Variants in STK35 observed in about 807,000 individuals in gnomAD.
STK35 encodes serine/threonine kinase 35, also known as serine/threonine-protein kinase 35.
In STK35, 17 loss-of-function variants were observed where a neutral mutation model predicts 37.3. The ratio of observed to expected loss-of-function variants is 0.46; its 90% CI spans 0.31 to 0.68. The LOEUF (loss-of-function observed/expected upper bound fraction) is 0.68. STK35 is among the 30% of genes least tolerant of loss of function. STK35 has a pLI of 0.05. For missense variants in STK35, 595 were observed against 746.7 expected (o/e 0.80, Z 2.37); for synonymous variants, 385 against 319.1 (o/e 1.21, Z -2.20).
rs1269472858 is a variant in STK35, at chr20:2,145,965, G to A, written c.*2219G>A. On this transcript the variant is annotated 3_prime_UTR_variant, in exon 4 of 4. Coordinates refer to ENST00000381482, the MANE Select transcript of STK35 (RefSeq NM_080836.4). ...TAGCTCTAACTAAAAAGTTCTTGGA[G>A]CCATCGTGCTCCCCCTTTGTTATTT... The A allele has an allele frequency of 6.6e-6, 1 of 152,020 alleles. No homozygotes were observed. Among genetic ancestry groups the A allele is most frequent in the East Asian group, 1.9e-4 (1 of 5,172 alleles). 9.4% of individuals were successfully genotyped at this position (152,020 alleles called of 1,614,324 possible). A position where few individuals can be genotyped will look rare whatever the true frequency, so the allele number is the denominator to read the frequency against.
At chr20:2,118,755 T>C (rs1985765378) in intron 3 of STK35, among the ~76,000 whole-genome samples, 1 of 152,240 alleles carries the variant, frequency 6.6e-6, no homozygotes, top group Non-Finnish European at 1.5e-5. Flanking sequence ...TTATAGTGCA[T>C]ATTATGGTGT....
intron 3 of STK35, among the ~76,000 whole-genome samples, chr20:2,134,357 G>T (rs2122580071): frequency 6.6e-6 from 1 of 151,926 alleles, no homozygotes; most frequent in Admixed American, 6.5e-5. Flanking sequence ...AAAGGGCTCT[G>T]GTGCATTGAG....
Position 2,144,392 on chromosome 20 carries a change from G to C in STK35, c.*646G>C, listed in dbSNP as rs997878836. On this transcript the variant is annotated 3_prime_UTR_variant, in exon 4 of 4. Coordinates refer to ENST00000381482, the MANE Select transcript of STK35 (RefSeq NM_080836.4). Reference sequence around the variant, plus strand: ...GGTGAAGAACCGCCTGGAAGAGGAAGGCCAGGGTTTGGCCAGGAGAACTAA... The same window carrying C: ...GGTGAAGAACCGCCTGGAAGAGGAACGCCAGGGTTTGGCCAGGAGAACTAA... The C allele has an allele frequency of 6.2e-6, 1 of 161,338 alleles. No homozygotes were observed. Among genetic ancestry groups the C allele is most frequent in the Non-Finnish European group, 1.4e-5 (1 of 73,524 alleles). The allele number at this position is 161,338 out of a possible 1,614,324, so 10.0% of individuals were successfully genotyped here.
intron 3 of STK35, among the ~76,000 whole-genome samples, chr20:2,138,571 T>C (rs1382654438): frequency 6.6e-6 from 1 of 152,226 alleles, no homozygotes; most frequent in African/African-American, 2.4e-5. Context: ...TGTTCTTCCC[T>C]GAGGGAGCAC....
chr20:2,114,567 C>T (rs2122550529), intron 2 of STK35, among the ~76,000 whole-genome samples: 1 of 152,290 alleles, frequency 6.6e-6, no homozygotes, highest in African/African-American at 2.4e-5. Context: ...ATTTTCCTCT[C>T]AACAAACAGC....
Position 2,102,950 on chromosome 20 carries a change from G to C in STK35, c.477G>C (p.Ala159=), listed in dbSNP as rs1411990235. The C allele has an allele frequency of 6.7e-7, 1 of 1,486,600 alleles. No individual in the cohort carries two copies. Among genetic ancestry groups the C allele is most frequent in the Non-Finnish European group, 8.9e-7 (1 of 1,123,662 alleles). The allele number at this position is 1,486,600 out of a possible 1,614,324, so 92.1% of individuals were successfully genotyped here. A position where few individuals can be genotyped will look rare whatever the true frequency, so the allele number is the denominator to read the frequency against. ...AAAGGCGAAGCCCAGTGCCGCGGGC[G>C]CCCAGCACGAAGCTGAGGCCGGCGG... The part of the protein sequence containing the change: ...ERKRRSPVPR[A]PSTKLRPAAA... The change falls in exon 2 of 4, where the codon GCG becomes GCC. Residue 159 remains alanine (A), a synonymous_variant. Coordinates refer to ENST00000381482, the MANE Select transcript of STK35 (RefSeq NM_080836.4).
chr20:2,126,309 G>A (rs1985905578), intron 3 of STK35, among the ~76,000 whole-genome samples: 1 of 152,134 alleles, frequency 6.6e-6, no homozygotes, highest in Non-Finnish European at 1.5e-5. Flanking sequence ...GATGAGATAT[G>A]GACACTTGGT....
Position 2,117,102 on chromosome 20 carries a change from C to T in STK35, c.1329C>T (p.Ile443=). 1.2e-6 allele frequency: 2 copies of T among 1,613,852 alleles called. No homozygotes were observed. Among genetic ancestry groups the T allele is most frequent in the Non-Finnish European group, 1.7e-6 (2 of 1,179,816 alleles). ...AKADIFALGI[I]IWAMIERITF... is the part of the protein sequence containing the mutation. ...CGGACATCTTTGCCCTGGGCATTATCATCTGGGCAATGATAGAAAGAATCA... is the reference window on the plus strand; with the variant it reads ...CGGACATCTTTGCCCTGGGCATTATTATCTGGGCAATGATAGAAAGAATCA... The change falls in exon 3 of 4, where the codon ATC becomes ATT. Residue 443 remains isoleucine (I), a synonymous_variant. Transcript: ENST00000381482. The surrounding 1 kb of genome is among the most constrained non-coding windows in gnomAD (Gnocchi z 4.4).
chr20:2,103,408 C>T, intron 2 of STK35, 43 bp downstream of exon 2: 5 of 1,560,710 alleles, frequency 3.2e-6, no homozygotes, highest in Non-Finnish European at 4.4e-6. Context: ...GGGCCTGGAC[C>T]CCCTGCTCTC....
chr20:2,118,687 A>G (rs1985764199), intron 3 of STK35, among the ~76,000 whole-genome samples: 1 of 152,250 alleles, frequency 6.6e-6, no homozygotes, highest in South Asian at 2.1e-4. Flanking sequence ...CGGTGGTCCC[A>G]TTAGATTATA....
chr20:2,137,621 C>A (rs900345238), intron 3 of STK35, among the ~76,000 whole-genome samples: 2 of 152,194 alleles, frequency 1.3e-5, no homozygotes, highest in African/African-American at 2.4e-5. Context: ...TGTCAGTACT[C>A]CCATTCCTTC....
chr20:2,118,358 A>T (rs1237731797), intron 3 of STK35, among the ~76,000 whole-genome samples: 2 of 152,180 alleles, frequency 1.3e-5, no homozygotes, highest in South Asian at 2.1e-4. Flanking sequence ...AGGTGGGCGG[A>T]TCACGAGGTC....
intron 3 of STK35, among the ~76,000 whole-genome samples, chr20:2,127,947 AGT>A (rs1469339624): frequency 6.6e-6 from 1 of 152,158 alleles, no homozygotes; most frequent in African/African-American, 2.4e-5. Flanking sequence ...ATGAGTAAGA[AGT>A]GTTGGTGAAG....
intron 3 of STK35, among the ~76,000 whole-genome samples, chr20:2,125,318 C>G (rs1985886299): frequency 6.6e-6 from 1 of 152,134 alleles, no homozygotes; most frequent in Non-Finnish European, 1.5e-5. Flanking sequence ...GAGACCCTGC[C>G]TTTTTATTCC....
At chr20:2,120,706 C>G (rs1210018076) in intron 3 of STK35, among the ~76,000 whole-genome samples, 3 of 152,220 alleles carry the variant, frequency 2.0e-5, no homozygotes, top group East Asian at 3.9e-4. Flanking sequence ...GAAACTCTTT[C>G]CAAGTACCAT....
intron 3 of STK35, among the ~76,000 whole-genome samples, chr20:2,136,865 G>C (rs1347222583): frequency 6.6e-6 from 1 of 152,214 alleles, no homozygotes; most frequent in Non-Finnish European, 1.5e-5. Flanking sequence ...CACTGGGCAG[G>C]GGGACAGAAG....
At chr20:2,120,734 C>T (rs1985802716) in intron 3 of STK35, among the ~76,000 whole-genome samples, 1 of 152,224 alleles carries the variant, frequency 6.6e-6, no homozygotes, top group South Asian at 2.1e-4. Flanking sequence ...ACAGATAATA[C>T]ATCGGTGAAC....
chr20:2,120,250 T>G (rs1985793226), intron 3 of STK35, among the ~76,000 whole-genome samples: 1 of 152,214 alleles, frequency 6.6e-6, no homozygotes, highest in Non-Finnish European at 1.5e-5. Flanking sequence ...CATGTGGATA[T>G]CCACACTTGA....
chr20:2,114,906 G>A (rs769792469), intron 2 of STK35, among the ~76,000 whole-genome samples: 1 of 152,138 alleles, frequency 6.6e-6, no homozygotes, highest in Non-Finnish European at 1.5e-5. Flanking sequence ...GGTTCTACCT[G>A]TAGTACACAT....
Sources: allele counts gnomAD v4.1 joint callset (sites outside exome capture counted in the v4.1 genomes callset), GRCh38; gene constraint gnomAD v4.1.1; non-coding constraint Gnocchi (gnomAD v3.1); transcripts MANE v1.5; gene names NCBI Gene and HGNC (gene_info 2026-07-23, HGNC 2026-07-21).